ACTR3: variants seen among roughly 807,000 people sequenced by gnomAD.
ACTR3 encodes the protein actin-related protein 3.
ACTR3 carries 12 observed loss-of-function variants against 56.8 expected under a neutral mutation model. That is an observed-to-expected ratio of 0.21 (90% confidence interval 0.14 to 0.34). ACTR3 has a LOEUF of 0.34. Among genes scored for constraint, ACTR3 ranks in the 10% least tolerant of loss-of-function variants. The pLI is 1.00. For missense variants in ACTR3, 282 were observed against 512.5 expected (o/e 0.55, Z 4.34); for synonymous variants, 162 against 167.4 (o/e 0.97, Z 0.25).
chr2:113,940,711 A>G (rs1376989023), intron 7 of ACTR3, among the ~76,000 whole-genome samples: 1 of 151,740 alleles, frequency 6.6e-6, no homozygotes, highest in African/African-American at 2.4e-5. Flanking sequence ...ACGTGTTTTG[A>G]AAAGCAGAAC....
At chr2:113,899,818 G>A (rs1679067511) in intron 1 of ACTR3, among the ~76,000 whole-genome samples, 1 of 152,212 alleles carries the variant, frequency 6.6e-6, no homozygotes, top group Non-Finnish European at 1.5e-5. Flanking sequence ...GGGAAGTCAT[G>A]AAGGAGTTTC....
chr2:113,937,711 T>TTC (rs1679854111), intron 6 of ACTR3, among the ~76,000 whole-genome samples: 1 of 152,230 alleles, frequency 6.6e-6, no homozygotes, highest in Admixed American at 6.5e-5. Flanking sequence ...GCTGTTATTC[T>TTC]TGTGTGTGTT....
At position 113,890,190 on chromosome 2, in the gene ACTR3, G is replaced by A. The variant is rs1273544442; in HGVS notation, c.-90G>A. On this transcript the variant is annotated 5_prime_UTR_variant, in exon 1 of 12. Coordinates refer to ENST00000263238, the MANE Select transcript of ACTR3 (RefSeq NM_005721.5). Reference sequence around the variant, plus strand: ...GGTGAAGGCGGCCCAGCTGTGGATGGTCAGATAGCCCTTGTCTCCCGCCGC... The same window carrying A: ...GGTGAAGGCGGCCCAGCTGTGGATGATCAGATAGCCCTTGTCTCCCGCCGC... 1.3e-6 allele frequency: 2 copies of A among 1,523,618 alleles called. No individual in the cohort carries two copies. The highest frequency in any genetic ancestry group is 1.8e-6 in the Non-Finnish European group (2 of 1,122,116). The allele number at this position is 1,523,618 out of a possible 1,614,324, so 94.4% of individuals were successfully genotyped here. A position where few individuals can be genotyped will look rare whatever the true frequency, so the allele number is the denominator to read the frequency against.
intron 3 of ACTR3, among the ~76,000 whole-genome samples, chr2:113,925,479 A>C (rs1559474099): frequency 6.6e-6 from 1 of 152,190 alleles, no homozygotes; most frequent in Non-Finnish European, 1.5e-5. Context: ...TACAGGCATG[A>C]GCCACCACGC....
intron 3 of ACTR3, among the ~76,000 whole-genome samples, chr2:113,917,506 T>C (rs1268548190): frequency 6.6e-6 from 1 of 152,194 alleles, no homozygotes; most frequent in Non-Finnish European, 1.5e-5. Flanking sequence ...ATGACTGTAA[T>C]CATAACAGGT....
chr2:113,911,585 A>G (rs570630525), intron 1 of ACTR3, among the ~76,000 whole-genome samples: 157 of 151,594 alleles, frequency 1.0e-3, no homozygotes, highest in African/African-American at 3.6e-3. Flanking sequence ...ACACCCTGCT[A>G]ATTTTTGTAT....
intron 3 of ACTR3, among the ~76,000 whole-genome samples, chr2:113,926,945 A>G (rs1406346671): frequency 6.6e-6 from 1 of 152,230 alleles, no homozygotes; most frequent in East Asian, 1.9e-4. Flanking sequence ...TCGGCATACA[A>G]CAAATACTTG....
Position 113,939,915 on chromosome 2 carries a change from C to A in ACTR3, c.541-44C>A. ...CATATTTTTGGGTTATATTAATTTT[C>A]AAAACATTGAAAGTAAATTTGGTAT... On this transcript the variant is annotated intron_variant, in intron 6 of 11. Transcript: ENST00000263238. The A allele has an allele frequency of 2.0e-6, 3 of 1,530,112 alleles. No homozygotes were observed. The South Asian group carries it at 3.8e-5, about 20-fold the overall frequency. 94.8% of individuals were successfully genotyped at this position (1,530,112 alleles called of 1,614,324 possible). A position where few individuals can be genotyped will look rare whatever the true frequency, so the allele number is the denominator to read the frequency against.
chr2:113,931,163 GTGTC>G (rs939288936), intron 4 of ACTR3, 134 bp from the exon 5 acceptor site: 108 of 517,812 alleles, frequency 2.1e-4, no homozygotes, highest in African/African-American at 1.5e-3. Flanking sequence ...TTTGATCTCT[GTGTC>G]TGTCTTTCTA....
intron 1 of ACTR3, among the ~76,000 whole-genome samples, chr2:113,894,637 A>C (rs536890681): frequency 6.6e-6 from 1 of 152,308 alleles, no homozygotes; most frequent in East Asian, 1.9e-4. Context: ...CAAATACTAT[A>C]TTGCGGTGAA....
Position 113,931,911 on chromosome 2 carries a change from A to G in ACTR3, c.432+515A>G, listed in dbSNP as rs572589169. 2.2e-3 allele frequency among the ~76,000 whole-genome samples: 317 copies of G among 143,812 alleles called. 2 individuals are homozygous for G. The highest frequency in any genetic ancestry group is 7.8e-3 in the African/African-American group (302 of 38,630). 94.3% of individuals were successfully genotyped at this position (143,812 alleles called of 152,430 possible). A position where few individuals can be genotyped will look rare whatever the true frequency, so the allele number is the denominator to read the frequency against. On this transcript the variant is annotated intron_variant, in intron 5 of 11. Coordinates refer to ENST00000263238, the MANE Select transcript of ACTR3 (RefSeq NM_005721.5). ...CTCATTTTTTTTTTTTTTCCCTTGT[A>G]GCAGAGGTAATCCCTGACATAACAC...
At chr2:113,891,620 T>A (rs1334321487) in intron 1 of ACTR3, among the ~76,000 whole-genome samples, 1 of 151,686 alleles carries the variant, frequency 6.6e-6, no homozygotes, top group East Asian at 1.9e-4. Context: ...TCAGGCTTTT[T>A]TTTTTATTAT....
At chr2:113,933,630 C>T (rs1341347333) in intron 5 of ACTR3, among the ~76,000 whole-genome samples, 2 of 151,286 alleles carry the variant, frequency 1.3e-5, no homozygotes. Context: ...TGTAACAGGC[C>T]AGCCCACGTG....
In ACTR3 at chr2:113,890,290, G is replaced by A. The variant is rs1301467451; in HGVS notation, c.11G>A (p.Arg4Gln). Residue 4 changes from arginine (R) to glutamine (Q), a missense_variant, in exon 1 of 12, where the codon CGG becomes CAG. Coordinates refer to ENST00000263238, the MANE Select transcript of ACTR3 (RefSeq NM_005721.5). ...CAGGCGAGGAGGAAGATGGCGGGAC[G>A]GCTGCCGGCCTGTGTGGTGGACTGT... MAG[R>Q]LPACVVDCGT... is the part of the protein sequence containing the mutation. 3 of 1,550,868 alleles carry A rather than the reference G, an allele frequency of 1.9e-6. No homozygotes were observed. The highest frequency in any genetic ancestry group is 2.6e-6 in the Non-Finnish European group (3 of 1,146,778).
At chr2:113,899,921 A>C (rs965153038) in intron 1 of ACTR3, among the ~76,000 whole-genome samples, 12 of 152,158 alleles carry the variant, frequency 7.9e-5, no homozygotes, top group Admixed American at 1.3e-4. Flanking sequence ...TAGTTTATTT[A>C]CTCATCTTGC....
chr2:113,901,286 A>T lies in ACTR3; in HGVS notation c.44+10963A>T, dbSNP rs146671377. 9.7e-3 allele frequency among the ~76,000 whole-genome samples: 1,476 copies of T among 152,346 alleles called. 27 individuals are homozygous for T. The highest frequency in any genetic ancestry group is 0.034 in the African/African-American group (1,398 of 41,578). ...GTCAGGAGAATCGCTTGAACCTGGG[A>T]GGCAGAGGTTGTGGTGGGCCAAGAT... On this transcript the variant is annotated intron_variant, in intron 1 of 11. Coordinates refer to ENST00000263238, the MANE Select transcript of ACTR3 (RefSeq NM_005721.5).
intron 3 of ACTR3, among the ~76,000 whole-genome samples, chr2:113,918,989 CAAAG>C (rs1409296420): frequency 1.3e-5 from 2 of 152,114 alleles, no homozygotes; most frequent in African/African-American, 4.8e-5. Context: ...CTTCACATGT[CAAAG>C]AACAGAAAAT....
chr2:113,914,352 C>G (rs575436843), intron 2 of ACTR3, among the ~76,000 whole-genome samples: 11 of 152,242 alleles, frequency 7.2e-5, no homozygotes, highest in African/African-American at 2.6e-4. Context: ...GTGGCTCACG[C>G]CTGTAATCCC....
At chr2:113,945,664 G>C (rs1046116064) in intron 8 of ACTR3, among the ~76,000 whole-genome samples, 1 of 151,606 alleles carries the variant, frequency 6.6e-6, no homozygotes. Flanking sequence ...TTAACTTTAA[G>C]TTCAGGGGTA....
Sources: allele counts gnomAD v4.1 joint callset (sites outside exome capture counted in the v4.1 genomes callset), GRCh38; gene constraint gnomAD v4.1.1; transcripts MANE v1.5; gene names NCBI Gene and HGNC (gene_info 2026-07-23, HGNC 2026-07-21).